Variants in KCNIP3 observed in about 807,000 individuals in gnomAD.
KCNIP3 encodes calsenilin.
KCNIP3 carries 28 observed loss-of-function variants against 35.0 expected under a neutral mutation model. The observed-to-expected ratio is 0.80, with a 90% CI of 0.59 to 1.10. The LOEUF (loss-of-function observed/expected upper bound fraction) is 1.10, where lower values mean the gene tolerates loss of function less well. Among genes scored for constraint, KCNIP3 ranks in the 50% least tolerant of loss-of-function variants. The pLI is 0.00. For missense variants in KCNIP3, 295 were observed against 338.4 expected, an observed-to-expected ratio of 0.87 and a Z score of 1.01; for synonymous variants, 134 against 133.8, an observed-to-expected ratio of 1.00 and a Z score of -0.01.
intron 2 of KCNIP3, chr2:95,368,665 G>A (rs983412802): frequency 1.3e-5 from 4 of 303,386 alleles, no homozygotes; most frequent in Admixed American, 3.7e-5. Flanking sequence ...TACTCTACCA[G>A]TGTACAGTGT....
intron 2 of KCNIP3, among the ~76,000 whole-genome samples, chr2:95,370,598 C>T (rs1165053945): frequency 6.6e-6 from 1 of 152,078 alleles, no homozygotes; most frequent in Non-Finnish European, 1.5e-5. Context: ...TTTACAAAAT[C>T]GAGTTATTAG....
At chr2:95,341,423 T>C (rs547704127) in intron 2 of KCNIP3, among the ~76,000 whole-genome samples, 34 of 152,306 alleles carry the variant, frequency 2.2e-4, no homozygotes, top group Admixed American at 1.9e-3. Context: ...TTTATAGCAA[T>C]GTGAGAATGG....
At chr2:95,309,049 G>A (rs1218234550) in intron 1 of KCNIP3, among the ~76,000 whole-genome samples, 2 of 152,198 alleles carry the variant, frequency 1.3e-5, no homozygotes, top group African/African-American at 4.8e-5. Flanking sequence ...TGCATGTGGG[G>A]GTGGTGCCAC....
At chr2:95,299,430 G>A (rs1183913239) in intron 1 of KCNIP3, among the ~76,000 whole-genome samples, 1 of 152,190 alleles carries the variant, frequency 6.6e-6, no homozygotes, top group Non-Finnish European at 1.5e-5. Context: ...ACGGTCAGTG[G>A]CTGTCCCCCA....
rs776690719 is a variant in KCNIP3 at position 95,382,131 on chromosome 2, C to T, written c.556-246C>T. ...TTGGTCCAAGCACTTTTTCTGCTGC[C>T]GCGTCACATTTTGGAGATAAGCACA... On this transcript the variant is annotated intron_variant, in intron 6 of 8. Coordinates refer to ENST00000295225, the MANE Select transcript of KCNIP3 (RefSeq NM_013434.5). The surrounding 1 kb of genome is among the most constrained non-coding windows in gnomAD (Gnocchi z 4.5). Among the ~76,000 whole-genome samples, 2 of 152,138 alleles carry T rather than the reference C, an allele frequency of 1.3e-5. No individual in the cohort carries two copies. The highest frequency in any genetic ancestry group is 2.9e-5 in the Non-Finnish European group (2 of 68,024).
chr2:95,314,958 C>G (rs1479622045), intron 2 of KCNIP3, among the ~76,000 whole-genome samples: 2 of 152,212 alleles, frequency 1.3e-5, no homozygotes, highest in African/African-American at 4.8e-5. Context: ...CAACGGCTGC[C>G]AGAACCAGTC....
chr2:95,352,610 C>T (rs1204752156), intron 2 of KCNIP3, among the ~76,000 whole-genome samples: 1 of 152,098 alleles, frequency 6.6e-6, no homozygotes, highest in Non-Finnish European at 1.5e-5. Flanking sequence ...GAAGGAGTCT[C>T]ACAGTGCTGT....
intron 2 of KCNIP3, among the ~76,000 whole-genome samples, chr2:95,340,488 A>G (rs932874890): frequency 6.6e-6 from 1 of 152,202 alleles, no homozygotes; most frequent in African/African-American, 2.4e-5. Context: ...ACGTGTAGCT[A>G]AGACTTTACT....
chr2:95,367,600 TA>T (rs1483320334), intron 2 of KCNIP3, among the ~76,000 whole-genome samples: 1 of 152,188 alleles, frequency 6.6e-6, no homozygotes, highest in African/African-American at 2.4e-5. Flanking sequence ...TTTTGCAAGA[TA>T]TATACCTAAG....
At chr2:95,297,597 TTGGGGCGTCCTGGCTGGCGC>T in intron 1 of KCNIP3, 144 bp downstream of exon 1, 1 of 717,196 alleles carries the variant, frequency 1.4e-6, no homozygotes, top group East Asian at 2.8e-5. Flanking sequence ...AAAGTGAGCG[TTGGGGCGTCCTGGCTGGCGC>T]TGGGGTGTCC....
chr2:95,345,337 C>T (rs1679319916), intron 2 of KCNIP3, among the ~76,000 whole-genome samples: 3 of 152,204 alleles, frequency 2.0e-5, no homozygotes, highest in South Asian at 2.1e-4. Context: ...GGAAAGCCCA[C>T]GGGGGGAGCC....
At chr2:95,345,180 G>T (rs1430724651) in intron 2 of KCNIP3, among the ~76,000 whole-genome samples, 1 of 152,264 alleles carries the variant, frequency 6.6e-6, no homozygotes, top group African/African-American at 2.4e-5. Flanking sequence ...GCACTGCGCA[G>T]CCCCTCTCCC....
intron 2 of KCNIP3, chr2:95,314,024 T>A (rs1431686694): frequency 6.6e-6 from 1 of 151,302 alleles, no homozygotes; most frequent in Non-Finnish European, 1.5e-5. Flanking sequence ...CGCATGCACA[T>A]GCCCCTCCCC....
At chr2:95,375,306 G>A in intron 5 of KCNIP3, 98 bp downstream of exon 5, 1 of 1,107,278 alleles carries the variant, frequency 9.0e-7, no homozygotes, top group East Asian at 2.4e-5. Flanking sequence ...AGAGAGCCAT[G>A]GTCCTGGGTG....
chr2:95,310,363 A>G lies in KCNIP3; in HGVS notation c.24A>G (p.Thr8=). The change falls in exon 2 of 9, where the codon ACA becomes ACG. Residue 8 remains threonine (T), a synonymous_variant. Transcript: ENST00000295225. MQPAKEV[T]KASDGSLLGD... ...GCCTGTTCCTACTGCAGGAAGTGACAAAGGCGTCGGACGGCAGCCTCCTGG... is the reference window on the plus strand; with the variant it reads ...GCCTGTTCCTACTGCAGGAAGTGACGAAGGCGTCGGACGGCAGCCTCCTGG... 2 of 1,611,634 alleles carry G rather than the reference A, an allele frequency of 1.2e-6. No homozygotes were observed. Among genetic ancestry groups the G allele is most frequent in the Non-Finnish European group, 1.7e-6 (2 of 1,178,152 alleles).
At chr2:95,306,093 G>A (rs1270172350) in intron 1 of KCNIP3, among the ~76,000 whole-genome samples, 2 of 152,172 alleles carry the variant, frequency 1.3e-5, no homozygotes, top group Non-Finnish European at 2.9e-5. Context: ...TGGCTAAGGC[G>A]TTTTCCCTTT....
At chr2:95,313,980 CACAT>C (rs1342877114) in intron 2 of KCNIP3, 1 of 152,200 alleles carries the variant, frequency 6.6e-6, no homozygotes, top group African/African-American at 2.4e-5. Flanking sequence ...CATACACACA[CACAT>C]GAGCACACAC....
At chr2:95,325,064 G>A (rs2104233371) in intron 2 of KCNIP3, among the ~76,000 whole-genome samples, 1 of 152,328 alleles carries the variant, frequency 6.6e-6, no homozygotes, top group African/African-American at 2.4e-5. Context: ...TGAGCGACAG[G>A]CAGAGGACAG....
chr2:95,314,897 C>G (rs1264431964), intron 2 of KCNIP3, among the ~76,000 whole-genome samples: 3 of 152,154 alleles, frequency 2.0e-5, no homozygotes. Flanking sequence ...GGGGGAGAGG[C>G]AGCACATCCA....
Sources: gnomAD v4.1 joint callset for allele counts (sites outside exome capture counted in the v4.1 genomes callset) on GRCh38, gnomAD v4.1.1 for gene constraint, Gnocchi (gnomAD v3.1) non-coding constraint, MANE v1.5 for transcripts, NCBI Gene and HGNC (gene_info 2026-07-23, HGNC 2026-07-21) for gene names.